SUGCT: variants seen among roughly 807,000 people sequenced by gnomAD.
SUGCT encodes succinyl-CoA:glutarate-CoA transferase.
In SUGCT, 41 loss-of-function variants were observed where a neutral mutation model predicts 55.0. The observed-to-expected ratio is 0.74, with a 90% CI of 0.58 to 0.97. SUGCT has a LOEUF of 0.97. Ranked by LOEUF, SUGCT falls within the 50% of genes least tolerant of loss-of-function variation. SUGCT has a pLI of 0.00. For synonymous variants in SUGCT, 187 were observed against 200.4 expected (o/e 0.93, Z 0.56); for missense variants, 568 against 547.8 (o/e 1.04, Z -0.37).
chr7:40,523,661 C>G (rs1793668058), intron 12 of SUGCT, among the ~76,000 whole-genome samples: 1 of 152,054 alleles, frequency 6.6e-6, no homozygotes, highest in East Asian at 1.9e-4. Flanking sequence ...GCCTTTTCCA[C>G]CTTCTAAAAA....
chr7:40,567,791 G>A (rs17171734), intron 12 of SUGCT, among the ~76,000 whole-genome samples: 13,822 of 152,224 alleles, frequency 0.091, 671 homozygotes, highest in Middle Eastern at 0.11. Flanking sequence ...AGTAAACCGT[G>A]TCTTCAGACT....
chr7:40,422,172 T>C (rs145427486), intron 9 of SUGCT, among the ~76,000 whole-genome samples: 2 of 151,214 alleles, frequency 1.3e-5, no homozygotes, highest in Non-Finnish European at 2.9e-5. Context: ...TAATATAAGC[T>C]AACTGCAATG....
intron 10 of SUGCT, among the ~76,000 whole-genome samples, chr7:40,450,798 A>T (rs1789149748): frequency 6.6e-6 from 1 of 152,108 alleles, no homozygotes; most frequent in Non-Finnish European, 1.5e-5. Context: ...ATGCCTATGA[A>T]ATCCTGAATC....
At position 40,405,218 on chromosome 7, in the gene SUGCT, A is replaced by C. The variant is rs566906199; in HGVS notation, c.817-44069A>C. Among the ~76,000 whole-genome samples the C allele has an allele frequency of 3.5e-3, 529 of 152,322 alleles. 4 individuals are homozygous for C. Among genetic ancestry groups the C allele is most frequent in the African/African-American group, 0.012 (500 of 41,584 alleles). The stretch of plus-strand genomic sequence containing the variant: ...AGTATACTCATGGCTGGAAGAAGTA[A>C]GAGAGACCCAATCACATGTATACAG... On this transcript the variant is annotated intron_variant, in intron 9 of 13. Transcript: ENST00000335693.
intron 12 of SUGCT, among the ~76,000 whole-genome samples, chr7:40,738,492 A>G (rs1787296406): frequency 6.6e-6 from 1 of 152,228 alleles, no homozygotes; most frequent in East Asian, 1.9e-4. Flanking sequence ...GGTTGCATAT[A>G]TATAGGTTAA....
chr7:40,650,696 C>T (rs1468384629), intron 12 of SUGCT, among the ~76,000 whole-genome samples: 1 of 152,120 alleles, frequency 6.6e-6, no homozygotes, highest in Non-Finnish European at 1.5e-5. Context: ...AATTTGATGA[C>T]TTTTTCACTC....
At chr7:40,410,971 A>C (rs1423770971) in intron 9 of SUGCT, among the ~76,000 whole-genome samples, 1 of 152,184 alleles carries the variant, frequency 6.6e-6, no homozygotes, top group East Asian at 1.9e-4. Flanking sequence ...GGTCAGCACA[A>C]AAAGGGTTAG....
chr7:40,697,196 A>G (rs1784971239), intron 12 of SUGCT, among the ~76,000 whole-genome samples: 1 of 152,162 alleles, frequency 6.6e-6, no homozygotes, highest in Non-Finnish European at 1.5e-5. Flanking sequence ...CTTGCCTACA[A>G]AAAGTACTTG....
chr7:40,562,376 C>T (rs1336008764), intron 12 of SUGCT, among the ~76,000 whole-genome samples: 3 of 151,128 alleles, frequency 2.0e-5, no homozygotes, highest in South Asian at 2.1e-4. Context: ...GAGTGACTGA[C>T]GTGTAAAGAC....
chr7:40,706,257 A>G (rs1432355259), intron 12 of SUGCT, among the ~76,000 whole-genome samples: 1 of 152,202 alleles, frequency 6.6e-6, no homozygotes, highest in Non-Finnish European at 1.5e-5. Flanking sequence ...CTGTAATCCC[A>G]ATACTTTGGG....
chr7:40,259,254 A>T (rs558840738), intron 7 of SUGCT, among the ~76,000 whole-genome samples: 1 of 152,350 alleles, frequency 6.6e-6, no homozygotes, highest in African/African-American at 2.4e-5. Context: ...CATAGTTAAT[A>T]TACTTAATGT....
intron 12 of SUGCT, among the ~76,000 whole-genome samples, chr7:40,733,268 C>A (rs1786990379): frequency 1.3e-5 from 2 of 152,154 alleles, no homozygotes; most frequent in Non-Finnish European, 2.9e-5. Flanking sequence ...AGCCCTTTCT[C>A]CCTGATAACA....
the SUGCT span, among the ~76,000 whole-genome samples, chr7:40,924,465 G>C: frequency 6.6e-6 from 1 of 152,142 alleles, no homozygotes; most frequent in South Asian, 2.1e-4. Context: ...GCCCCACCCA[G>C]CTGGTCTCAA....
At chr7:40,391,753 A>G (rs1785443880) in intron 9 of SUGCT, among the ~76,000 whole-genome samples, 1 of 152,194 alleles carries the variant, frequency 6.6e-6, no homozygotes, top group African/African-American at 2.4e-5. Context: ...CAAACTAGAA[A>G]TACCATTTGA....
intron 6 of SUGCT, among the ~76,000 whole-genome samples, chr7:40,205,090 C>G (rs1457677797): frequency 1.3e-5 from 2 of 151,350 alleles, no homozygotes; most frequent in African/African-American, 4.9e-5. Flanking sequence ...CCCGTCTCTA[C>G]TAAAAATACA....
intron 9 of SUGCT, among the ~76,000 whole-genome samples, chr7:40,445,191 A>G (rs1562782439): frequency 6.6e-6 from 1 of 152,132 alleles, no homozygotes; most frequent in Admixed American, 6.6e-5. Context: ...ACCCTTAAAA[A>G]AATCAATGAA....
chr7:41,038,604 C>G, the SUGCT span, among the ~76,000 whole-genome samples: 2 of 152,210 alleles, frequency 1.3e-5, no homozygotes, highest in Non-Finnish European at 2.9e-5. Flanking sequence ...TCCTCATCAA[C>G]AGTGGAGGAT....
chr7:40,615,929 C>T (rs1290143513), intron 12 of SUGCT, among the ~76,000 whole-genome samples: 1 of 152,110 alleles, frequency 6.6e-6, no homozygotes, highest in East Asian at 1.9e-4. Context: ...TTGAAAGACA[C>T]CTATACCATT....
chr7:40,624,700 T>A (rs573606381), intron 12 of SUGCT, among the ~76,000 whole-genome samples: 2 of 151,578 alleles, frequency 1.3e-5, no homozygotes, highest in Non-Finnish European at 2.9e-5. Flanking sequence ...AAAAGGAAAG[T>A]CGGGAGTGAG....
Sources: gnomAD v4.1 joint callset for allele counts (sites outside exome capture counted in the v4.1 genomes callset) on GRCh38, gnomAD v4.1.1 for gene constraint, MANE v1.5 for transcripts, NCBI Gene and HGNC (gene_info 2026-07-23, HGNC 2026-07-21) for gene names.